Variants in LPP observed in about 807,000 individuals in gnomAD.
LPP encodes the protein lipoma-preferred partner.
A neutral mutation model predicts 60.4 loss-of-function variants in LPP; 38 were observed. That is an observed-to-expected ratio of 0.63 (90% CI 0.49 to 0.83). The LOEUF (loss-of-function observed/expected upper bound fraction) is 0.83, where lower values mean the gene tolerates loss of function less well. Among genes scored for constraint, LPP ranks in the 40% least tolerant of loss-of-function variants. The pLI, the probability that LPP is intolerant of heterozygous loss-of-function variation, is 0.00. For missense variants in LPP, 902 were observed against 783.6 expected (o/e 1.15, Z -1.80); for synonymous variants, 328 against 290.8 (o/e 1.13, Z -1.30).
rs1288090501 is a variant in LPP at position 188,872,654 on chromosome 3, C to T, written c.1601C>T (p.Pro534Leu). The change falls in exon 11 of 12, where the codon CCG (proline) becomes CTG (leucine). Residue 534 changes from proline (P) to leucine (L), a missense_variant. Physicochemically the swap from Pro to Leu is moderately conservative, Grantham distance 98. Transcript: ENST00000617246. ...CTCTTCACTTTCAGGAAATTTGCCC[C>T]GCGATGTTCTGTGTGCAAGGAGCCT... ...CIEDFHKKFA[P>L]RCSVCKEPIM... 2 of 1,613,958 alleles carry T rather than the reference C, an allele frequency of 1.2e-6. No individual in the cohort carries two copies. The highest frequency in any genetic ancestry group is 2.2e-5 in the East Asian group (1 of 44,878).
At chr3:188,700,540 G>A (rs1345215782) in intron 7 of LPP, among the ~76,000 whole-genome samples, 1 of 152,218 alleles carries the variant, frequency 6.6e-6, no homozygotes, top group African/African-American at 2.4e-5. Flanking sequence ...TAGAAAGGAT[G>A]ATGGATATTT....
chr3:188,385,839 T>G (rs889622271), intron 3 of LPP, among the ~76,000 whole-genome samples: 2 of 152,166 alleles, frequency 1.3e-5, no homozygotes, highest in African/African-American at 4.8e-5. Flanking sequence ...AAAGTCTGCA[T>G]TAGAAATATG....
At chr3:188,311,092 T>C (rs1469887787) in intron 2 of LPP, among the ~76,000 whole-genome samples, 2 of 152,170 alleles carry the variant, frequency 1.3e-5, no homozygotes, top group African/African-American at 4.8e-5. Context: ...CTCATAGTTA[T>C]TCTGATATGC....
At chr3:188,371,618 T>A (rs1376359612) in intron 3 of LPP, among the ~76,000 whole-genome samples, 1 of 19,886 alleles carries the variant, frequency 5.0e-5, no homozygotes, top group Non-Finnish European at 1.6e-4. Flanking sequence ...GGTGGGAAAA[T>A]ATATATATAT....
chr3:188,385,166 A>C (rs6784323), intron 3 of LPP, among the ~76,000 whole-genome samples: 4,212 of 151,838 alleles, frequency 0.028, 198 homozygotes, highest in African/African-American at 0.098. Context: ...TTGAGAACTG[A>C]TTTCCTTCCC....
At chr3:188,723,734 A>G (rs1359107385) in intron 8 of LPP, among the ~76,000 whole-genome samples, 1 of 152,210 alleles carries the variant, frequency 6.6e-6, no homozygotes, top group African/African-American at 2.4e-5. Context: ...ACACAAATAA[A>G]GAGGCACTAT....
At chr3:188,578,255 T>C (rs892835401) in intron 6 of LPP, among the ~76,000 whole-genome samples, 4 of 152,120 alleles carry the variant, frequency 2.6e-5, no homozygotes, top group Non-Finnish European at 5.9e-5. Context: ...TCCCTTGCCC[T>C]TTCCCCACTT....
At chr3:188,330,036 T>G (rs1330424716) in intron 2 of LPP, among the ~76,000 whole-genome samples, 1 of 152,148 alleles carries the variant, frequency 6.6e-6, no homozygotes, top group African/African-American at 2.4e-5. Flanking sequence ...TCCCCATCCT[T>G]CTCTTTCTCT....
intron 9 of LPP, 115 bp downstream of exon 9, chr3:188,760,397 A>ATGTGTGTGTGGGGTG: frequency 1.2e-6 from 1 of 848,680 alleles, no homozygotes; most frequent in African/African-American, 2.0e-5. Context: ...AGACTTCAAA[A>ATGTGTGTGTGGGGTG]TGTGTGTGTG....
chr3:188,849,190 A>G (rs1235406000), intron 9 of LPP, among the ~76,000 whole-genome samples: 1 of 152,258 alleles, frequency 6.6e-6, no homozygotes, highest in East Asian at 1.9e-4. Flanking sequence ...CAGTGCACTG[A>G]GGACGGAGGG....
chr3:188,788,318 G>C (rs1386277671), intron 9 of LPP, among the ~76,000 whole-genome samples: 33 of 152,154 alleles, frequency 2.2e-4, no homozygotes, highest in Admixed American at 2.2e-3. Flanking sequence ...AAAACAGAGA[G>C]ATTGTCTCAT....
intron 6 of LPP, among the ~76,000 whole-genome samples, chr3:188,592,554 T>TTTTTTTTTGTTG (rs1307690738): frequency 1.7e-5 from 2 of 118,246 alleles, no homozygotes; most frequent in Non-Finnish European, 3.8e-5. Flanking sequence ...TAGTTTTGTT[T>TTTTTTTTTGTTG]TTGTTTTTTA....
At chr3:188,463,295 T>A (rs1185416187) in intron 4 of LPP, among the ~76,000 whole-genome samples, 1 of 151,776 alleles carries the variant, frequency 6.6e-6, no homozygotes, top group African/African-American at 2.4e-5. Flanking sequence ...GTGCAAGTGA[T>A]CTTCCTGTCT....
intron 6 of LPP, among the ~76,000 whole-genome samples, chr3:188,556,736 A>G (rs1001065382): frequency 7.3e-5 from 11 of 151,058 alleles, no homozygotes; most frequent in African/African-American, 2.7e-4. Context: ...ATATCTTAGA[A>G]CCTTATGCAA....
intron 3 of LPP, among the ~76,000 whole-genome samples, chr3:188,349,944 T>C (rs933484977): frequency 1.3e-4 from 20 of 152,228 alleles, no homozygotes; most frequent in African/African-American, 4.8e-4. Flanking sequence ...CTTCCTCTCC[T>C]TTCCTTCATG....
chr3:188,863,905 A>C (rs193101715), intron 9 of LPP, among the ~76,000 whole-genome samples: 126 of 148,866 alleles, frequency 8.5e-4, no homozygotes, highest in African/African-American at 3.0e-3. Flanking sequence ...AAACAAAAAC[A>C]TTTTCTGGCC....
At chr3:188,662,705 G>C (rs983218679) in intron 7 of LPP, among the ~76,000 whole-genome samples, 1 of 152,078 alleles carries the variant, frequency 6.6e-6, no homozygotes, top group Non-Finnish European at 1.5e-5. Context: ...TTGCAAAGCA[G>C]GCACAAAAAT....
chr3:188,203,613 T>A (rs1453095820), intron 1 of LPP, among the ~76,000 whole-genome samples: 1 of 117,186 alleles, frequency 8.5e-6, no homozygotes, highest in Non-Finnish European at 1.7e-5. Context: ...AAATATATAT[T>A]TAAATATATA....
intron 7 of LPP, among the ~76,000 whole-genome samples, chr3:188,642,451 GA>G (rs757224532): frequency 7.2e-5 from 11 of 152,330 alleles, no homozygotes; most frequent in Non-Finnish European, 1.6e-4. Context: ...GCCGGACTAA[GA>G]AATGGAATAA....
Sources: allele counts gnomAD v4.1 joint callset (sites outside exome capture counted in the v4.1 genomes callset), GRCh38; gene constraint gnomAD v4.1.1; transcripts MANE v1.5; gene names NCBI Gene and HGNC (gene_info 2026-07-23, HGNC 2026-07-21).